The following KIAA1217 variants were observed in gnomAD, a reference collection of about 807,000 sequenced individuals.
KIAA1217 encodes sickle tail protein homolog.
Under a neutral mutation model 163.9 loss-of-function variants are expected in KIAA1217, and 88 were observed. That is an observed-to-expected ratio of 0.54 (90% CI 0.45 to 0.64). The LOEUF (loss-of-function observed/expected upper bound fraction) is 0.64, where lower values mean the gene tolerates loss of function less well. Ranked by LOEUF, KIAA1217 falls within the 30% of genes least tolerant of loss-of-function variation. The pLI, the probability that KIAA1217 is intolerant of heterozygous loss-of-function variation, is 0.00. For synonymous variants in KIAA1217, 903 were observed against 923.1 expected (o/e 0.98, Z 0.39); for missense variants, 2,372 against 2,475.0 (o/e 0.96, Z 0.88).
At chr10:24,247,578 A>T (rs1159352756) in intron 2 of KIAA1217, among the ~76,000 whole-genome samples, 1 of 152,190 alleles carries the variant, frequency 6.6e-6, no homozygotes, top group East Asian at 1.9e-4. Flanking sequence ...GAGGCAGATC[A>T]TGAGGTTAGG....
At chr10:24,535,767 A>T (rs2073917291) in intron 16 of KIAA1217, among the ~76,000 whole-genome samples, 2 of 150,020 alleles carry the variant, frequency 1.3e-5, no homozygotes, top group Non-Finnish European at 3.0e-5. Context: ...ACAGGGAGAG[A>T]CTCTGCCTCA....
At chr10:23,781,068 T>C (rs575043915) in intron 1 of KIAA1217, among the ~76,000 whole-genome samples, 135 of 152,290 alleles carry the variant, frequency 8.9e-4, no homozygotes, top group Non-Finnish European at 1.7e-3. Flanking sequence ...GCAATGAACA[T>C]GGGAGTGCAG....
At chr10:23,802,686 T>C (rs897195783) in intron 1 of KIAA1217, among the ~76,000 whole-genome samples, 31 of 152,248 alleles carry the variant, frequency 2.0e-4, no homozygotes, top group Non-Finnish European at 7.3e-5. Flanking sequence ...GAAGAAACTT[T>C]ATTTTTTAAA....
chr10:23,895,346 G>C (rs991557460), intron 1 of KIAA1217, among the ~76,000 whole-genome samples: 6 of 151,956 alleles, frequency 3.9e-5, no homozygotes, highest in Admixed American at 6.6e-5. Flanking sequence ...TGAACAGACA[G>C]TTCTCAAAAG....
At chr10:23,755,861 T>C (rs1178155144) in intron 1 of KIAA1217, among the ~76,000 whole-genome samples, 1 of 152,194 alleles carries the variant, frequency 6.6e-6, no homozygotes, top group Non-Finnish European at 1.5e-5. Flanking sequence ...TTTATTTTAC[T>C]TTCTAATCTT....
chr10:23,792,948 G>GA (rs1836023632), intron 1 of KIAA1217, among the ~76,000 whole-genome samples: 1 of 152,162 alleles, frequency 6.6e-6, no homozygotes, highest in Non-Finnish European at 1.5e-5. Context: ...TGGAGCCAGT[G>GA]AGTCTTCATT....
At chr10:24,505,928 A>G (rs577790088) in intron 9 of KIAA1217, among the ~76,000 whole-genome samples, 1 of 152,248 alleles carries the variant, frequency 6.6e-6, no homozygotes, top group African/African-American at 2.4e-5. Flanking sequence ...TCTGACATGC[A>G]TAACAATGGT....
At chr10:24,348,645 T>A (rs1254866586) in intron 2 of KIAA1217, among the ~76,000 whole-genome samples, 1 of 152,114 alleles carries the variant, frequency 6.6e-6, no homozygotes, top group African/African-American at 2.4e-5. Flanking sequence ...AAAGAAGAAA[T>A]GTATACATAT....
chr10:24,057,684 G>A (rs1167693949), intron 2 of KIAA1217, among the ~76,000 whole-genome samples: 2 of 152,088 alleles, frequency 1.3e-5, no homozygotes, highest in African/African-American at 2.4e-5. Context: ...ATACCTACTG[G>A]ATATTTGTAT....
intron 1 of KIAA1217, among the ~76,000 whole-genome samples, chr10:23,931,238 A>G (rs1453350154): frequency 6.6e-6 from 1 of 152,154 alleles, no homozygotes; most frequent in East Asian, 1.9e-4. Context: ...GATAGGTATC[A>G]GCATTAGCTT....
chr10:23,844,624 C>G (rs1455009562), intron 1 of KIAA1217, among the ~76,000 whole-genome samples: 1 of 152,066 alleles, frequency 6.6e-6, no homozygotes, highest in Non-Finnish European at 1.5e-5. Context: ...CTCTTTTGTT[C>G]CTTCCTTGTC....
chr10:24,121,376 G>A (rs527237680), intron 2 of KIAA1217, among the ~76,000 whole-genome samples: 2 of 152,284 alleles, frequency 1.3e-5, no homozygotes, highest in East Asian at 3.9e-4. Context: ...CTGGGCTTCA[G>A]TTTCTGCAGG....
At chr10:24,029,560 G>A (rs1466565609) in intron 2 of KIAA1217, among the ~76,000 whole-genome samples, 1 of 152,076 alleles carries the variant, frequency 6.6e-6, no homozygotes, top group East Asian at 1.9e-4. Context: ...TTTTGGAAAG[G>A]CCAGAGGATT....
intron 2 of KIAA1217, among the ~76,000 whole-genome samples, chr10:24,321,608 C>G (rs1590945241): frequency 6.6e-6 from 1 of 152,272 alleles, no homozygotes; most frequent in African/African-American, 2.4e-5. Context: ...AATTCTGACA[C>G]ATGCTACAAA....
At chr10:23,906,559 T>G (rs571499272) in intron 1 of KIAA1217, among the ~76,000 whole-genome samples, 117 of 152,252 alleles carry the variant, frequency 7.7e-4, no homozygotes, top group Middle Eastern at 3.4e-3. Context: ...AAATCCCCAG[T>G]TTGCAATTTC....
intron 2 of KIAA1217, among the ~76,000 whole-genome samples, chr10:24,061,525 C>T (rs930374403): frequency 1.3e-5 from 2 of 152,086 alleles, no homozygotes; most frequent in Non-Finnish European, 2.9e-5. Context: ...TGTTTAGTGT[C>T]CTTTGTTATA....
chr10:23,783,379 A>G (rs1037395390), intron 1 of KIAA1217, among the ~76,000 whole-genome samples: 2 of 152,264 alleles, frequency 1.3e-5, no homozygotes, highest in African/African-American at 4.8e-5. Flanking sequence ...TTATTTGTCT[A>G]TTTAAACCAA....
chr10:24,321,638 A>G (rs78018340), intron 2 of KIAA1217, among the ~76,000 whole-genome samples: 10,985 of 152,274 alleles, frequency 0.072, 550 homozygotes, highest in East Asian at 0.21. Flanking sequence ...CCTTGAGGAC[A>G]TTATGCTCAG....
At chr10:23,724,115 A>T (rs1188679822) in intron 1 of KIAA1217, among the ~76,000 whole-genome samples, 1 of 152,170 alleles carries the variant, frequency 6.6e-6, no homozygotes, top group African/African-American at 2.4e-5. Flanking sequence ...CACCAAGGGG[A>T]TGGTGCTGAA....
Sources: allele counts gnomAD v4.1 joint callset (sites outside exome capture counted in the v4.1 genomes callset), GRCh38; gene constraint gnomAD v4.1.1; transcripts MANE v1.5; gene names NCBI Gene and HGNC (gene_info 2026-07-23, HGNC 2026-07-21).